The following POU6F2 variants were observed in gnomAD, a reference collection of about 807,000 sequenced individuals.
POU6F2 encodes POU class 6 homeobox 2, also known as POU domain, class 6, transcription factor 2.
A neutral mutation model predicts 71.3 loss-of-function variants in POU6F2; 31 were observed. That is an observed-to-expected ratio of 0.43 (90% CI 0.33 to 0.59). The LOEUF (loss-of-function observed/expected upper bound fraction) is 0.59, where lower values mean the gene tolerates loss of function less well. Among genes scored for constraint, POU6F2 ranks in the 20% least tolerant of loss-of-function variants. The probability of loss-of-function intolerance (pLI) is 0.04; values close to 1 mark genes in which losing one functional copy is unlikely to be tolerated. For missense variants in POU6F2, 783 were observed against 856.8 expected, an observed-to-expected ratio of 0.91 and a Z score of 1.07; for synonymous variants, 347 against 355.7, an observed-to-expected ratio of 0.98 and a Z score of 0.27.
chr7:39,323,381 A>T (rs895094704), intron 4 of POU6F2, among the ~76,000 whole-genome samples: 1 of 152,208 alleles, frequency 6.6e-6, no homozygotes, highest in Non-Finnish European at 1.5e-5. Flanking sequence ...AAAATGGACA[A>T]TACATATTTT....
At chr7:39,173,676 C>A (rs1346877220) in intron 2 of POU6F2, among the ~76,000 whole-genome samples, 2 of 152,182 alleles carry the variant, frequency 1.3e-5, no homozygotes, top group African/African-American at 2.4e-5. Context: ...ATGCCCAAAG[C>A]AATGTGGAAT....
intron 8 of POU6F2, among the ~76,000 whole-genome samples, chr7:39,458,112 C>T (rs915974950): frequency 2.2e-5 from 3 of 139,098 alleles, no homozygotes; most frequent in Non-Finnish European, 3.0e-5. Flanking sequence ...TGTACTAAGA[C>T]TTTTCCTGCC....
chr7:38,980,521 G>T (rs1454290633), intron 1 of POU6F2, among the ~76,000 whole-genome samples: 1 of 152,122 alleles, frequency 6.6e-6, no homozygotes, highest in Non-Finnish European at 1.5e-5. Context: ...ATAGGGAAAA[G>T]AATGTGAAAA....
chr7:39,338,395 G>A (rs984985765), intron 4 of POU6F2, among the ~76,000 whole-genome samples: 27 of 152,272 alleles, frequency 1.8e-4, no homozygotes, highest in Non-Finnish European at 2.2e-4. Context: ...CTATCTCTAC[G>A]ATTACATCAC....
chr7:39,245,757 GAT>G (rs1249588054), intron 4 of POU6F2, among the ~76,000 whole-genome samples: 1 of 152,158 alleles, frequency 6.6e-6, no homozygotes, highest in Non-Finnish European at 1.5e-5. Flanking sequence ...GTTCCAGCTA[GAT>G]TCAATAGGAG....
intron 2 of POU6F2, among the ~76,000 whole-genome samples, chr7:39,157,867 C>T (rs1057289898): frequency 2.6e-5 from 4 of 152,086 alleles, no homozygotes; most frequent in Non-Finnish European, 2.9e-5. Context: ...ACTGTTATTC[C>T]TTCTGGGGCC....
chr7:39,198,055 T>A (rs1178235709), intron 2 of POU6F2, among the ~76,000 whole-genome samples: 1 of 152,252 alleles, frequency 6.6e-6, no homozygotes, highest in East Asian at 1.9e-4. Context: ...ATTTGATGAC[T>A]ATCTCCTTTT....
intron 4 of POU6F2, among the ~76,000 whole-genome samples, chr7:39,267,277 C>T (rs1324876742): frequency 6.6e-6 from 1 of 152,190 alleles, no homozygotes; most frequent in Non-Finnish European, 1.5e-5. Context: ...GGATTGGGCT[C>T]TTGGATTCTC....
At chr7:39,326,569 G>A (rs1785508108) in intron 4 of POU6F2, among the ~76,000 whole-genome samples, 4 of 152,158 alleles carry the variant, frequency 2.6e-5, no homozygotes, top group Admixed American at 2.6e-4. Flanking sequence ...CCAGAATTAA[G>A]TCAAAATGCC....
At chr7:39,264,700 A>G (rs1390149599) in intron 4 of POU6F2, among the ~76,000 whole-genome samples, 1 of 152,202 alleles carries the variant, frequency 6.6e-6, no homozygotes, top group Non-Finnish European at 1.5e-5. Flanking sequence ...ATGAATCAGT[A>G]AATAAATAAG....
intron 2 of POU6F2, among the ~76,000 whole-genome samples, chr7:39,122,913 G>C (rs1792073705): frequency 1.3e-5 from 2 of 151,938 alleles, no homozygotes; most frequent in Admixed American, 6.6e-5. Context: ...TTGCCATGTT[G>C]ACCAGGCTGG....
chr7:39,143,527 G>C (rs936448149), intron 2 of POU6F2, among the ~76,000 whole-genome samples: 1 of 152,168 alleles, frequency 6.6e-6, no homozygotes, highest in African/African-American at 2.4e-5. Context: ...ATGCAAAAGA[G>C]ATAGCAATGT....
At chr7:39,225,887 C>T (rs1359175105) in intron 4 of POU6F2, among the ~76,000 whole-genome samples, 1 of 151,896 alleles carries the variant, frequency 6.6e-6, no homozygotes, top group Non-Finnish European at 1.5e-5. Flanking sequence ...TAAAAACACA[C>T]CCGCGTTTTT....
At chr7:39,150,076 G>A (rs1271082232) in intron 2 of POU6F2, among the ~76,000 whole-genome samples, 2 of 151,924 alleles carry the variant, frequency 1.3e-5, no homozygotes, top group Non-Finnish European at 2.9e-5. Context: ...TAGTAGAGAC[G>A]GGGTTTCACC....
At chr7:39,034,429 G>A in intron 1 of POU6F2, 1 of 393,966 alleles carries the variant, frequency 2.5e-6, no homozygotes, top group Non-Finnish European at 5.4e-6. Flanking sequence ...CACCTGAAGT[G>A]TTCTCGGCAG....
intron 1 of POU6F2, among the ~76,000 whole-genome samples, chr7:39,070,980 G>A (rs550449270): frequency 1.1e-4 from 16 of 152,248 alleles, no homozygotes; most frequent in African/African-American, 3.4e-4. Flanking sequence ...TTTTTGGCAC[G>A]AGGGACTGGT....
At chr7:39,105,949 G>T (rs903500504) in intron 2 of POU6F2, among the ~76,000 whole-genome samples, 2 of 152,162 alleles carry the variant, frequency 1.3e-5, no homozygotes, top group African/African-American at 4.8e-5. Context: ...AAGTGGGGAG[G>T]TGGGTAGGGT....
At chr7:39,148,409 A>G (rs1792665818) in intron 2 of POU6F2, among the ~76,000 whole-genome samples, 3 of 152,130 alleles carry the variant, frequency 2.0e-5, no homozygotes, top group Admixed American at 2.0e-4. Flanking sequence ...GATAATTTCT[A>G]GTTATCTCTG....
intron 2 of POU6F2, among the ~76,000 whole-genome samples, chr7:39,128,746 A>G (rs1038865175): frequency 3.3e-5 from 5 of 152,348 alleles, no homozygotes; most frequent in African/African-American, 1.2e-4. Context: ...TATGATCGCC[A>G]TGTGTTCTCA....
Sources: allele counts gnomAD v4.1 joint callset (sites outside exome capture counted in the v4.1 genomes callset), GRCh38; gene constraint gnomAD v4.1.1; transcripts MANE v1.5; gene names NCBI Gene and HGNC (gene_info 2026-07-23, HGNC 2026-07-21).